ANK3: variants seen among roughly 807,000 people sequenced by gnomAD.
The protein encoded by ANK3 is ankyrin-3.
A neutral mutation model predicts 370.9 loss-of-function variants in ANK3; 57 were observed. The observed-to-expected ratio is 0.15, with a 90% CI of 0.12 to 0.19. The LOEUF is 0.19. ANK3 is among the 10% of genes least tolerant of loss of function. The probability of loss-of-function intolerance (pLI) is 1.00; values close to 1 mark genes in which losing one functional copy is unlikely to be tolerated. For synonymous variants in ANK3, 1,929 were observed against 1,946.3 expected (o/e 0.99, Z 0.23); for missense variants, 4,439 against 5,302.1 (o/e 0.84, Z 5.06).
At chr10:60,262,880 A>C (rs2097827504) in intron 6 of ANK3, among the ~76,000 whole-genome samples, 1 of 152,188 alleles carries the variant, frequency 6.6e-6, no homozygotes, top group South Asian at 2.1e-4. Flanking sequence ...CAATACCCTT[A>C]AGAGTCAAGG....
chr10:60,156,595 T>C (rs890957120), intron 23 of ANK3, among the ~76,000 whole-genome samples: 1 of 152,160 alleles, frequency 6.6e-6, no homozygotes, highest in Non-Finnish European at 1.5e-5. Context: ...CTGACTTCCT[T>C]TGCCAGAAAG....
In ANK3 at chr10:60,496,795, G is replaced by A. The variant is rs192492301; in HGVS notation, c.96+118391C>T. Among the ~76,000 whole-genome samples, 361 of 151,582 alleles carry A rather than the reference G, an allele frequency of 2.4e-3. 1 individual carries two copies. Among genetic ancestry groups the A allele is most frequent in the African/African-American group, 7.9e-3 (328 of 41,326 alleles). ...GGAGAACGTCACAAGGCATGGTAAG[G>A]TTGAACTGCTTGGCCGGGAGGTAGG... On this transcript the variant is annotated intron_variant, in intron 2 of 43. Transcript: ENST00000373827.
At chr10:60,392,476 C>T (rs181283602), upstream of ANK3, among the ~76,000 whole-genome samples, 58 of 152,228 alleles carry the variant, frequency 3.8e-4, no homozygotes, top group Non-Finnish European at 6.2e-4. Context: ...GCAAACATGG[C>T]CTTAGAGGAA....
Position 60,140,811 on chromosome 10 carries a change from T to C in ANK3, c.2615-1724A>G, listed in dbSNP as rs550691378. 4.4e-5 allele frequency: 44 copies of C among 1,002,976 alleles called. No homozygotes were observed. In the African/African-American group the frequency reaches 7.4e-4, roughly 17 times the overall value. The allele number at this position is 1,002,976 out of a possible 1,614,324, so 62.1% of individuals were successfully genotyped here. On this transcript the variant is annotated intron_variant, in intron 23 of 43. Transcript: ENST00000280772. Reference sequence around the variant, plus strand: ...TAGACTTTCGGTAATTTGATACCAATGCGCGTTGCCTAGTCGGGTAACCAA... The same window carrying C: ...TAGACTTTCGGTAATTTGATACCAACGCGCGTTGCCTAGTCGGGTAACCAA...
chr10:60,337,339 C>G (rs1425982691), intron 1 of ANK3, among the ~76,000 whole-genome samples: 3 of 152,108 alleles, frequency 2.0e-5, no homozygotes, highest in Non-Finnish European at 4.4e-5. Flanking sequence ...TTGCTCCATT[C>G]TGTTTTCTGA....
intron 23 of ANK3, among the ~76,000 whole-genome samples, chr10:60,160,951 C>G (rs750502073): frequency 6.6e-6 from 1 of 152,134 alleles, no homozygotes; most frequent in Non-Finnish European, 1.5e-5. Flanking sequence ...TGGGGAAAAA[C>G]TGAAAGCCTT....
chr10:60,496,880 T>C (rs1243585289), intron 2 of ANK3, among the ~76,000 whole-genome samples: 1 of 152,184 alleles, frequency 6.6e-6, no homozygotes, highest in Non-Finnish European at 1.5e-5. Flanking sequence ...TTGTACCACA[T>C]CTTTGTATCT....
At chr10:60,197,153 T>G (rs2096599160) in intron 14 of ANK3, among the ~76,000 whole-genome samples, 1 of 152,218 alleles carries the variant, frequency 6.6e-6, no homozygotes, top group Admixed American at 6.5e-5. Flanking sequence ...TTATGTGTCC[T>G]CTAGTCTTCA....
chr10:60,452,845 C>A (rs757838548), intron 2 of ANK3, among the ~76,000 whole-genome samples: 19 of 152,150 alleles, frequency 1.2e-4, no homozygotes, highest in Admixed American at 2.6e-4. Flanking sequence ...GAAAGTTCCA[C>A]ATAAACTGAA....
chr10:60,623,204 G>A (rs924361232), intron 1 of ANK3, among the ~76,000 whole-genome samples: 1 of 152,102 alleles, frequency 6.6e-6, no homozygotes, highest in Admixed American at 6.6e-5. Context: ...AATAAGGTAC[G>A]ATCTTTACTC....
At chr10:60,314,542 G>T (rs766998323) in intron 1 of ANK3, among the ~76,000 whole-genome samples, 2 of 152,120 alleles carry the variant, frequency 1.3e-5, no homozygotes, top group Non-Finnish European at 2.9e-5. Context: ...TGTTATATGA[G>T]TAGTACATGA....
At chr10:60,179,765 G>C (rs951374532) in intron 18 of ANK3, among the ~76,000 whole-genome samples, 1 of 151,838 alleles carries the variant, frequency 6.6e-6, no homozygotes, top group Non-Finnish European at 1.5e-5. Flanking sequence ...CCTGAGACTC[G>C]TACATCGAGG....
chr10:60,364,938 T>C (rs1341082889), intron 1 of ANK3, among the ~76,000 whole-genome samples: 1 of 151,732 alleles, frequency 6.6e-6, no homozygotes, highest in African/African-American at 2.4e-5. Flanking sequence ...TGTGGATTTT[T>C]TTTTGAGAAC....
At chr10:60,567,491 T>C (rs1410603063) in intron 2 of ANK3, among the ~76,000 whole-genome samples, 1 of 152,162 alleles carries the variant, frequency 6.6e-6, no homozygotes, top group Non-Finnish European at 1.5e-5. Context: ...ATATTACTGC[T>C]CATTGACAAT....
chr10:60,176,739 A>G (rs991715919), intron 18 of ANK3, among the ~76,000 whole-genome samples: 4 of 152,194 alleles, frequency 2.6e-5, no homozygotes, highest in Non-Finnish European at 5.9e-5. Flanking sequence ...AGCCTGAGTG[A>G]CAAGAGCGAA....
chr10:60,293,645 T>C (rs2041937866), intron 1 of ANK3, among the ~76,000 whole-genome samples: 1 of 152,136 alleles, frequency 6.6e-6, no homozygotes, highest in Admixed American at 6.6e-5. Flanking sequence ...ACTCCTCACA[T>C]ACAAAGAAGG....
In ANK3 at chr10:60,166,891, G is replaced by A; in HGVS notation, c.2484C>T (p.Val828=). ...VTEETMTTTT[V]TEKHKMNVPE... is the part of the protein sequence containing the mutation. ...GAACATTCATTTTGTGCTTCTCTGT[G>A]ACAGTCTAGTAACAAAAAAGCAGTC... The change falls in exon 22 of 44, where the codon GTC becomes GTT. Residue 828 remains valine (V), a synonymous_variant. Coordinates refer to ENST00000280772, the MANE Select transcript of ANK3 (RefSeq NM_020987.5). The A allele has an allele frequency of 3.7e-6, 6 of 1,613,788 alleles. No homozygotes were observed. The highest frequency in any genetic ancestry group is 5.1e-6 in the Non-Finnish European group (6 of 1,179,832).
At chr10:60,725,512 C>T (rs770866413) in intron 1 of ANK3, among the ~76,000 whole-genome samples, 13 of 152,120 alleles carry the variant, frequency 8.5e-5, no homozygotes, top group Non-Finnish European at 1.9e-4. Context: ...CACCAGCACA[C>T]GCAAGGCTTC....
chr10:60,306,402 C>A (rs1420531209), intron 1 of ANK3, among the ~76,000 whole-genome samples: 1 of 150,072 alleles, frequency 6.7e-6, no homozygotes, highest in African/African-American at 2.5e-5. Flanking sequence ...CTTTTTATGG[C>A]TGAGTAGTAT....
Sources: allele counts gnomAD v4.1 joint callset (sites outside exome capture counted in the v4.1 genomes callset), GRCh38; gene constraint gnomAD v4.1.1; transcripts MANE v1.5; gene names NCBI Gene and HGNC (gene_info 2026-07-23, HGNC 2026-07-21).